ZNHIT6: variants seen among roughly 807,000 people sequenced by gnomAD.
ZNHIT6 encodes box C/D snoRNA protein 1.
Under a neutral mutation model 57.2 loss-of-function variants are expected in ZNHIT6, and 45 were observed. The observed-to-expected ratio is 0.79, with a 90% CI of 0.62 to 1.01. The LOEUF is 1.01. Among genes scored for constraint, ZNHIT6 ranks in the 50% least tolerant of loss-of-function variants. ZNHIT6 has a pLI of 0.00. For missense variants in ZNHIT6, 528 were observed against 567.3 expected, an observed-to-expected ratio of 0.93 and a Z score of 0.70; for synonymous variants, 188 against 190.0, an observed-to-expected ratio of 0.99 and a Z score of 0.09.
In ZNHIT6 at chr1:85,653,996, A is replaced by G. The variant is rs1288452551; in HGVS notation, c.*62T>C. 2 of 1,439,520 alleles carry G rather than the reference A, an allele frequency of 1.4e-6. No individual in the cohort carries two copies. The highest frequency in any genetic ancestry group is 2.8e-5 in the African/African-American group (2 of 71,050). The allele number at this position is 1,439,520 out of a possible 1,614,324, so 89.2% of individuals were successfully genotyped here. ...CAATACCCCAATCAGCCAACAGCCC[A>G]TCAATGCAGAGTCTGCTGCAGTTGT... On this transcript the variant is annotated 3_prime_UTR_variant, in exon 10 of 10. Transcript: ENST00000370574.
At chr1:85,686,213 G>A (rs1248447633) in intron 5 of ZNHIT6, among the ~76,000 whole-genome samples, 2 of 147,988 alleles carry the variant, frequency 1.4e-5, no homozygotes, top group Admixed American at 6.7e-5. Flanking sequence ...CGCCCGCCTC[G>A]GCCTCCCAAA....
chr1:85,667,147 G>T (rs1259391872), intron 8 of ZNHIT6, among the ~76,000 whole-genome samples: 1 of 152,150 alleles, frequency 6.6e-6, no homozygotes, highest in Non-Finnish European at 1.5e-5. Context: ...TTGAGTGCAG[G>T]CAGACCTAGG....
chr1:85,695,268 C>CA (rs147513990), intron 5 of ZNHIT6, among the ~76,000 whole-genome samples: 14 of 142,116 alleles, frequency 9.9e-5, no homozygotes, highest in East Asian at 4.1e-4. Flanking sequence ...ACCCTGTCTC[C>CA]AAAAAAAAAG....
At chr1:85,701,681 T>C (rs1384911509) in intron 5 of ZNHIT6, among the ~76,000 whole-genome samples, 1 of 152,214 alleles carries the variant, frequency 6.6e-6, no homozygotes, top group East Asian at 1.9e-4. Flanking sequence ...ACTCGTTTTG[T>C]CCTGGAAGCC....
At chr1:85,662,648 C>T (rs1352878017) in intron 8 of ZNHIT6, among the ~76,000 whole-genome samples, 1 of 152,158 alleles carries the variant, frequency 6.6e-6, no homozygotes, top group East Asian at 1.9e-4. Context: ...ATCTTTTTCT[C>T]ACCCAATCTC....
At chr1:85,703,544 T>C (rs1650199055) in intron 4 of ZNHIT6, among the ~76,000 whole-genome samples, 3 of 152,172 alleles carry the variant, frequency 2.0e-5, no homozygotes. Flanking sequence ...AGGGAAAGGA[T>C]GAACTTTCCA....
chr1:85,689,374 C>A (rs954592123), intron 5 of ZNHIT6, among the ~76,000 whole-genome samples: 1 of 151,972 alleles, frequency 6.6e-6, no homozygotes, highest in African/African-American at 2.4e-5. Context: ...AGGATTAGTA[C>A]CATGATAAGT....
rs578248780 is a variant in ZNHIT6, at chr1:85,704,491, A to G, written c.915+1587T>C. ...GGTGGCATGGAACTTCTGGGAAGCC[A>G]GTAATGTTCTAATTCTAGATTGGGG... On this transcript the variant is annotated intron_variant, in intron 4 of 9. Coordinates refer to ENST00000370574, the MANE Select transcript of ZNHIT6 (RefSeq NM_017953.4). Among the ~76,000 whole-genome samples the G allele has an allele frequency of 4.6e-5, 7 of 152,286 alleles. No homozygotes were observed. In the South Asian group the frequency reaches 1.2e-3, roughly 27 times the overall value.
At chr1:85,703,944 C>G (rs1413554352) in intron 4 of ZNHIT6, among the ~76,000 whole-genome samples, 1 of 151,912 alleles carries the variant, frequency 6.6e-6, no homozygotes, top group Non-Finnish European at 1.5e-5. Flanking sequence ...TAAAGCTGAC[C>G]AATGAAAAGA....
At chr1:85,673,650 T>C (rs1299973452) in intron 8 of ZNHIT6, among the ~76,000 whole-genome samples, 1 of 152,210 alleles carries the variant, frequency 6.6e-6, no homozygotes, top group African/African-American at 2.4e-5. Context: ...TTCAGGAAAT[T>C]AATAAAATGG....
intron 6 of ZNHIT6, among the ~76,000 whole-genome samples, chr1:85,679,589 TTG>T (rs1661809449): frequency 7.5e-6 from 1 of 133,870 alleles, no homozygotes; most frequent in African/African-American, 3.1e-5. Flanking sequence ...TTTAATTTTT[TTG>T]TTGTTGTTGT....
intron 8 of ZNHIT6, among the ~76,000 whole-genome samples, chr1:85,669,421 T>C (rs1329429489): frequency 6.6e-6 from 1 of 152,188 alleles, no homozygotes; most frequent in Non-Finnish European, 1.5e-5. Context: ...TTTAAAAACA[T>C]CCTCTCAGCA....
At chr1:85,704,714 A>G (rs1189983806) in intron 4 of ZNHIT6, among the ~76,000 whole-genome samples, 1 of 152,150 alleles carries the variant, frequency 6.6e-6, no homozygotes, top group Non-Finnish European at 1.5e-5. Flanking sequence ...ATTTTCTTTC[A>G]GATATGTGTA....
At chr1:85,688,618 T>C (rs1662131469) in intron 5 of ZNHIT6, among the ~76,000 whole-genome samples, 1 of 152,160 alleles carries the variant, frequency 6.6e-6, no homozygotes, top group African/African-American at 2.4e-5. Context: ...ATGCCTACCC[T>C]CTAGGGGTGT....
In ZNHIT6 at chr1:85,653,171, A is replaced by C. The variant is rs1660960379; in HGVS notation, c.*887T>G. 6.6e-6 allele frequency: 1 copy of C among 152,232 alleles called. No individual in the cohort carries two copies. Among genetic ancestry groups the C allele is most frequent in the African/African-American group, 2.4e-5 (1 of 41,468 alleles). The allele number at this position is 152,232 out of a possible 1,614,324, so 9.4% of individuals were successfully genotyped here. ...CAAATTTGTTATCACTAATGGCTCA[A>C]ACAATGTGGAGCCACTGATTTTCTG... On this transcript the variant is annotated 3_prime_UTR_variant, in exon 10 of 10. Coordinates refer to ENST00000370574, the MANE Select transcript of ZNHIT6 (RefSeq NM_017953.4).
chr1:85,691,511 A>G (rs751796735), intron 5 of ZNHIT6, among the ~76,000 whole-genome samples: 6 of 152,240 alleles, frequency 3.9e-5, no homozygotes, highest in Non-Finnish European at 7.3e-5. Context: ...GCCAATTGAG[A>G]TATCTCTGAG....
At chr1:85,681,049 T>G in intron 5 of ZNHIT6, 145 bp from the exon 6 acceptor site, 1 of 577,366 alleles carries the variant, frequency 1.7e-6, no homozygotes, top group Non-Finnish European at 2.9e-6. Flanking sequence ...CTAATTTCTC[T>G]TGCAAGGGTT....
intron 8 of ZNHIT6, among the ~76,000 whole-genome samples, chr1:85,667,959 A>ATATATATATATATATAT: frequency 8.3e-5 from 1 of 11,996 alleles, no homozygotes; most frequent in African/African-American, 3.1e-4. Context: ...AAAAAAAAAA[A>ATATATATATATATATAT]AAATATATAT....
intron 8 of ZNHIT6, among the ~76,000 whole-genome samples, chr1:85,663,517 G>C (rs1017052241): frequency 3.9e-5 from 6 of 152,158 alleles, no homozygotes; most frequent in African/African-American, 1.4e-4. Context: ...TCAATTGATT[G>C]CTCAAATATT....
Sources: gnomAD v4.1 joint callset for allele counts (sites outside exome capture counted in the v4.1 genomes callset) on GRCh38, gnomAD v4.1.1 for gene constraint, MANE v1.5 for transcripts, NCBI Gene and HGNC (gene_info 2026-07-23, HGNC 2026-07-21) for gene names.